The following RBFOX1 variants were observed in gnomAD, a reference collection of about 807,000 sequenced individuals.
The protein encoded by RBFOX1 is RNA binding protein fox-1 homolog 1.
RBFOX1 carries 8 observed loss-of-function variants against 57.7 expected under a neutral mutation model. The ratio of observed to expected loss-of-function variants is 0.14; its 90% CI spans 0.08 to 0.25. The LOEUF is 0.25. Among genes scored for constraint, RBFOX1 ranks in the 10% least tolerant of loss-of-function variants. RBFOX1 has a pLI of 1.00. For missense variants in RBFOX1, 611 were observed against 548.5 expected (o/e 1.11, Z -1.14); for synonymous variants, 326 against 222.4 (o/e 1.47, Z -4.15).
chr16:6,991,748 G>T (rs2091494091), intron 3 of RBFOX1, among the ~76,000 whole-genome samples: 1 of 152,100 alleles, frequency 6.6e-6, no homozygotes, highest in African/African-American at 2.4e-5. Flanking sequence ...TGTTGCCCAG[G>T]CTGGTCTTGA....
chr16:6,722,492 A>G (rs1191199346), intron 3 of RBFOX1, among the ~76,000 whole-genome samples: 1 of 145,936 alleles, frequency 6.9e-6, no homozygotes, highest in Non-Finnish European at 1.5e-5. Flanking sequence ...CCATTGATGG[A>G]ATATTTACCA....
In RBFOX1 at chr16:7,531,511, G is replaced by A. The variant is rs1391631520; in HGVS notation, c.270+13122G>A. Among the ~76,000 whole-genome samples the A allele has an allele frequency of 2.0e-5, 3 of 152,170 alleles. No individual in the cohort carries two copies. The East Asian group carries it at 5.8e-4, about 29-fold the overall frequency. Reference sequence around the variant, plus strand: ...CAAGGATGTTGCCCAAGGTCACAAGGCTGATAAGGGCAGAGATGGGATTCA... The same window carrying A: ...CAAGGATGTTGCCCAAGGTCACAAGACTGATAAGGGCAGAGATGGGATTCA... On this transcript the variant is annotated intron_variant, in intron 5 of 15. Transcript: ENST00000550418.
intron 1 of RBFOX1, among the ~76,000 whole-genome samples, chr16:6,101,225 C>A (rs1321753642): frequency 2.6e-5 from 4 of 152,164 alleles, no homozygotes; most frequent in Non-Finnish European, 5.9e-5. Context: ...CTCTCACTTT[C>A]CCCTTCTCTG....
At chr16:5,383,975 G>A (rs2066195047) in intron 1 of RBFOX1, among the ~76,000 whole-genome samples, 1 of 152,268 alleles carries the variant, frequency 6.6e-6, no homozygotes, top group East Asian at 1.9e-4. Context: ...TCTCCTCCAT[G>A]CTGGCTTCAC....
chr16:6,875,233 T>A (rs1450888686), intron 3 of RBFOX1, among the ~76,000 whole-genome samples: 1 of 152,238 alleles, frequency 6.6e-6, no homozygotes, highest in Non-Finnish European at 1.5e-5. Context: ...ATCACTATTG[T>A]AATTCAGGAA....
intron 3 of RBFOX1, among the ~76,000 whole-genome samples, chr16:6,934,013 G>GA: frequency 6.6e-6 from 1 of 152,196 alleles, no homozygotes; most frequent in Admixed American, 6.5e-5. Flanking sequence ...AGGGGTCAGG[G>GA]AGGGGACACG....
At chr16:6,927,640 A>T (rs145940902) in intron 3 of RBFOX1, among the ~76,000 whole-genome samples, 70 of 152,176 alleles carry the variant, frequency 4.6e-4, no homozygotes, top group African/African-American at 1.6e-3. Context: ...CATCTGCTGC[A>T]TGTTGAATAA....
Position 6,985,203 on chromosome 16 carries a change from C to A in RBFOX1, c.-15-66854C>A, listed in dbSNP as rs74010422. ...AAATGTGATCACATTCTATTTTAATCATGGAAAGATTTTTTTCTCTGGCCT... is the reference window on the plus strand; with the variant it reads ...AAATGTGATCACATTCTATTTTAATAATGGAAAGATTTTTTTCTCTGGCCT... On this transcript the variant is annotated intron_variant, in intron 3 of 15. Transcript: ENST00000550418. 6.2e-3 allele frequency among the ~76,000 whole-genome samples: 889 copies of A among 144,246 alleles called. 3 individuals carry two copies. Among genetic ancestry groups the A allele is most frequent in the African/African-American group, 0.021 (826 of 39,154 alleles). The allele number at this position is 144,246 out of a possible 152,430, so 94.6% of individuals were successfully genotyped here.
intron 3 of RBFOX1, among the ~76,000 whole-genome samples, chr16:5,755,757 C>G (rs889516315): frequency 6.6e-6 from 1 of 152,090 alleles, no homozygotes; most frequent in African/African-American, 2.4e-5. Context: ...CATCTCCATG[C>G]GCAGCTAATT....
rs2092787738 is a variant in RBFOX1, at chr16:7,001,405, TGTATA to T, written c.-15-50651_-15-50647del. Among the ~76,000 whole-genome samples the T allele has an allele frequency of 1.4e-4, 12 of 83,694 alleles. No individual in the cohort carries two copies. The Admixed American group carries it at 1.6e-3, about 11-fold the overall frequency. 54.9% of individuals were successfully genotyped at this position (83,694 alleles called of 152,430 possible). On this transcript the variant is annotated intron_variant, in intron 3 of 15. Transcript: ENST00000550418. ...GTGTATGTGTATGTGTATTTGTATA[TGTATA>T]TGTATATGTATATGTATATGTATAT...
At chr16:7,668,160 G>C (rs1295453309) in intron 13 of RBFOX1, among the ~76,000 whole-genome samples, 2 of 152,142 alleles carry the variant, frequency 1.3e-5, no homozygotes, top group African/African-American at 2.4e-5. Context: ...TAGGTGCCCT[G>C]CTCTCTCCCC....
At chr16:6,248,144 C>A (rs879802710) in intron 1 of RBFOX1, among the ~76,000 whole-genome samples, 3 of 152,066 alleles carry the variant, frequency 2.0e-5, no homozygotes, top group Non-Finnish European at 4.4e-5. Context: ...AGAGGCTGAC[C>A]TTAAGTTGCG....
At chr16:6,386,558 G>A (rs1362160822) in intron 2 of RBFOX1, among the ~76,000 whole-genome samples, 1 of 152,136 alleles carries the variant, frequency 6.6e-6, no homozygotes, top group Non-Finnish European at 1.5e-5. Flanking sequence ...AGAAAAAGCA[G>A]CAACAACCAA....
chr16:7,105,628 G>A (rs576363715), intron 4 of RBFOX1, among the ~76,000 whole-genome samples: 3 of 152,100 alleles, frequency 2.0e-5, no homozygotes, highest in South Asian at 4.2e-4. Flanking sequence ...AGGTTGCTGC[G>A]AATGCCATTG....
At chr16:6,134,543 G>A in intron 1 of RBFOX1, among the ~76,000 whole-genome samples, 1 of 152,140 alleles carries the variant, frequency 6.6e-6, no homozygotes, top group East Asian at 1.9e-4. Context: ...TGCGGGAGTG[G>A]TAGGTACCAA....
At chr16:5,592,919 C>A (rs1016871008) in intron 2 of RBFOX1, among the ~76,000 whole-genome samples, 1 of 152,074 alleles carries the variant, frequency 6.6e-6, no homozygotes, top group African/African-American at 2.4e-5. Context: ...GTGCGGGGGC[C>A]AGAGCAACTC....
At chr16:7,337,187 T>C (rs1415318050) in intron 4 of RBFOX1, among the ~76,000 whole-genome samples, 1 of 152,112 alleles carries the variant, frequency 6.6e-6, no homozygotes, top group African/African-American at 2.4e-5. Context: ...GTGGTATAGC[T>C]GGGATTTGGA....
chr16:5,625,335 CTGCTCCACTCTGA>C (rs2048317073), intron 3 of RBFOX1, among the ~76,000 whole-genome samples: 1 of 151,956 alleles, frequency 6.6e-6, no homozygotes, highest in Non-Finnish European at 1.5e-5. Context: ...CTGTCAGGGG[CTGCTCCACTCTGA>C]TGCTCACTGC....
At chr16:6,484,375 TCTC>T (rs1280073976) in intron 2 of RBFOX1, among the ~76,000 whole-genome samples, 1 of 152,172 alleles carries the variant, frequency 6.6e-6, no homozygotes, top group Non-Finnish European at 1.5e-5. Context: ...CTCTTCATCT[TCTC>T]TGCCTGTTTC....
Sources: allele counts gnomAD v4.1 joint callset (sites outside exome capture counted in the v4.1 genomes callset), GRCh38; gene constraint gnomAD v4.1.1; transcripts MANE v1.5; gene names NCBI Gene and HGNC (gene_info 2026-07-23, HGNC 2026-07-21).